Variants in CHD9 observed in about 807,000 individuals in gnomAD.
The protein encoded by CHD9 is chromodomain helicase DNA binding protein 9.
Under a neutral mutation model 316.1 loss-of-function variants are expected in CHD9, and 77 were observed. The ratio of observed to expected loss-of-function variants is 0.24; its 90% confidence interval spans 0.20 to 0.29. CHD9 has a LOEUF of 0.29. Among genes scored for constraint, CHD9 ranks in the 10% least tolerant of loss-of-function variants. The probability of loss-of-function intolerance (pLI) is 1.00; values close to 1 mark genes in which losing one functional copy is unlikely to be tolerated. For missense variants in CHD9, 2,763 were observed against 3,438.1 expected, an observed-to-expected ratio of 0.80 and a Z score of 4.91; for synonymous variants, 1,129 against 1,158.3, an observed-to-expected ratio of 0.97 and a Z score of 0.51.
intron 1 of CHD9, among the ~76,000 whole-genome samples, chr16:53,120,028 C>A (rs1367948736): frequency 4.6e-5 from 7 of 151,368 alleles, no homozygotes; most frequent in South Asian, 2.1e-4. Context: ...GAGTTTGAGA[C>A]CAGCCTGGGT....
At chr16:53,282,699 C>T (rs551351629) in intron 24 of CHD9, among the ~76,000 whole-genome samples, 2 of 152,326 alleles carry the variant, frequency 1.3e-5, no homozygotes, top group South Asian at 4.1e-4. Flanking sequence ...CAGCTTCTAC[C>T]TCCTCACCCC....
intron 24 of CHD9, among the ~76,000 whole-genome samples, chr16:53,284,119 A>G (rs965754950): frequency 6.6e-6 from 1 of 152,126 alleles, no homozygotes; most frequent in Non-Finnish European, 1.5e-5. Context: ...GAACTTGTCA[A>G]TAGGAAATCC....
intron 1 of CHD9, among the ~76,000 whole-genome samples, chr16:53,066,868 A>T (rs1179532135): frequency 1.3e-5 from 2 of 152,156 alleles, no homozygotes; most frequent in Admixed American, 1.3e-4. Context: ...TTTTTGGTAC[A>T]ATTTAGATTT....
At chr16:53,137,885 T>A (rs1224347811) in intron 1 of CHD9, among the ~76,000 whole-genome samples, 1 of 152,150 alleles carries the variant, frequency 6.6e-6, no homozygotes. Context: ...GGGAATATGA[T>A]GTGTGAAGAA....
intron 1 of CHD9, among the ~76,000 whole-genome samples, chr16:53,091,196 G>C (rs1258529937): frequency 6.6e-6 from 1 of 152,188 alleles, no homozygotes; most frequent in East Asian, 1.9e-4. Flanking sequence ...GCCTGGGAAG[G>C]GAAAGGCCTT....
chr16:53,236,653 C>T (rs1380937906), intron 11 of CHD9, among the ~76,000 whole-genome samples: 1 of 137,968 alleles, frequency 7.2e-6, no homozygotes, highest in Non-Finnish European at 1.5e-5. Context: ...CCCACCCCAA[C>T]TCCCCTGCAT....
chr16:53,215,453 A>G (rs2046677030), intron 3 of CHD9, among the ~76,000 whole-genome samples: 2 of 152,284 alleles, frequency 1.3e-5, no homozygotes, highest in East Asian at 1.9e-4. Context: ...CTTTTAATAC[A>G]TGCTTGTTTT....
chr16:53,062,848 T>C (rs925010691), intron 1 of CHD9, among the ~76,000 whole-genome samples: 1 of 152,106 alleles, frequency 6.6e-6, no homozygotes, highest in Non-Finnish European at 1.5e-5. Context: ...CTGACCAACA[T>C]GGAGAAACCC....
At chr16:53,279,947 G>A (rs2153030373) in intron 24 of CHD9, among the ~76,000 whole-genome samples, 1 of 152,246 alleles carries the variant, frequency 6.6e-6, no homozygotes, top group South Asian at 2.1e-4. Flanking sequence ...AATGATCAGG[G>A]AAATGCAAAT....
At chr16:53,119,769 T>C (rs780570857) in intron 1 of CHD9, among the ~76,000 whole-genome samples, 1 of 152,068 alleles carries the variant, frequency 6.6e-6, no homozygotes, top group Admixed American at 6.5e-5. Flanking sequence ...GAGGCAGAAG[T>C]TGCAGTGAGC....
chr16:53,303,211 A>G (rs2055617529), intron 30 of CHD9, among the ~76,000 whole-genome samples: 1 of 146,178 alleles, frequency 6.8e-6, no homozygotes, highest in African/African-American at 2.6e-5. Context: ...AATTTTTTTA[A>G]GCTCATCAGC....
chr16:53,072,658 G>A (rs2034192630), intron 1 of CHD9, among the ~76,000 whole-genome samples: 1 of 151,732 alleles, frequency 6.6e-6, no homozygotes, highest in Non-Finnish European at 1.5e-5. Context: ...TTATAGGTAT[G>A]AGCCACTATG....
intron 2 of CHD9, among the ~76,000 whole-genome samples, chr16:53,200,421 T>C (rs2045355972): frequency 6.8e-6 from 1 of 146,656 alleles, no homozygotes; most frequent in African/African-American, 2.5e-5. Context: ...TGGTGGCGGA[T>C]ACCTGTAATC....
chr16:53,200,108 T>C (rs1287773791), intron 2 of CHD9, among the ~76,000 whole-genome samples: 2 of 151,896 alleles, frequency 1.3e-5, no homozygotes, highest in Admixed American at 1.3e-4. Context: ...GCACGGTGGC[T>C]CATACCTTTA....
Position 53,267,407 on chromosome 16 carries a change from C to T in CHD9, c.4434C>T (p.Pro1478=). 6.2e-7 allele frequency: 1 copy of T among 1,612,974 alleles called. No homozygotes were observed. Among genetic ancestry groups the T allele is most frequent in the Non-Finnish European group, 8.5e-7 (1 of 1,179,306 alleles). ...SEAESEGDEK[P]KLRRPCDRSN... is the part of the protein sequence containing the mutation. ...CTGAAAGTGAAGGAGATGAAAAGCC[C>T]AAACTCCGGAGACCCTGTGACCGTT... The change falls in exon 21 of 39, where the codon CCC becomes CCT. Residue 1478 remains proline (P), a synonymous_variant. Transcript: ENST00000447540.
chr16:53,092,960 G>A (rs1371834515), intron 1 of CHD9, among the ~76,000 whole-genome samples: 1 of 152,044 alleles, frequency 6.6e-6, no homozygotes, highest in Admixed American at 6.6e-5. Context: ...TGCATTCTTT[G>A]TAAAAATGGG....
intron 3 of CHD9, among the ~76,000 whole-genome samples, chr16:53,218,807 A>G (rs2046987197): frequency 6.6e-6 from 1 of 152,172 alleles, no homozygotes; most frequent in African/African-American, 2.4e-5. Flanking sequence ...TATTTAAACA[A>G]CTACACTCTC....
chr16:53,081,158 A>C (rs1047650343), intron 1 of CHD9, among the ~76,000 whole-genome samples: 23 of 152,210 alleles, frequency 1.5e-4, no homozygotes, highest in African/African-American at 5.3e-4. Flanking sequence ...AGATTTTAAA[A>C]GCATTTGCTC....
At chr16:53,073,744 G>GT (rs1182505878) in intron 1 of CHD9, among the ~76,000 whole-genome samples, 2 of 152,212 alleles carry the variant, frequency 1.3e-5, no homozygotes, top group South Asian at 4.1e-4. Context: ...CTGCTGCCAT[G>GT]TAAGAAGTGC....
Sources: gnomAD v4.1 joint callset for allele counts (sites outside exome capture counted in the v4.1 genomes callset) on GRCh38, gnomAD v4.1.1 for gene constraint, MANE v1.5 for transcripts, NCBI Gene and HGNC (gene_info 2026-07-23, HGNC 2026-07-21) for gene names.